SRPK2: variants seen among roughly 807,000 people sequenced by gnomAD.
The protein encoded by SRPK2 is SFRS protein kinase 2.
Under a neutral mutation model 90.8 loss-of-function variants are expected in SRPK2, and 21 were observed. The ratio of observed to expected loss-of-function variants is 0.23; its 90% CI spans 0.16 to 0.33. The LOEUF (loss-of-function observed/expected upper bound fraction) is 0.33, where lower values mean the gene tolerates loss of function less well. Ranked by LOEUF, SRPK2 falls within the 10% of genes least tolerant of loss-of-function variation. The pLI, the probability that SRPK2 is intolerant of heterozygous loss-of-function variation, is 1.00. For synonymous variants in SRPK2, 288 were observed against 311.1 expected (o/e 0.93, Z 0.78); for missense variants, 620 against 869.0 (o/e 0.71, Z 3.60).
In SRPK2 at chr7:105,117,931, CTG is replaced by C; in HGVS notation, c.2005_2006del (p.Gln669ValfsTer40). 6.2e-7 allele frequency: 1 copy of C among 1,614,186 alleles called. No homozygotes were observed. ...ACATCGGGATCAGGAAATCTGTAAA[CTG>C]TGCAGCATCTTCATGGGGCCAGCCA... ...KYGWPHEDAA[Q>X]FTDFLIPMLE... On this transcript the variant is annotated frameshift_variant, in exon 16 of 16. Transcript: ENST00000393651. LOFTEE classifies it high-confidence loss of function.
chr7:105,140,023 T>C lies in SRPK2; in HGVS notation c.1543+1985A>G, dbSNP rs554088201. Among the ~76,000 whole-genome samples, 13 of 152,260 alleles carry C rather than the reference T, an allele frequency of 8.5e-5. No homozygotes were observed. The South Asian group carries it at 2.5e-3, about 29-fold the overall frequency. On this transcript the variant is annotated intron_variant, in intron 11 of 15. Coordinates refer to ENST00000393651, the MANE Select transcript of SRPK2 (RefSeq NM_182692.3). ...CATATAACCTACATATATCTTCCTA[T>C]ACACTTTAGTTGATCTCTAGTTATT...
At position 105,292,315 on chromosome 7, in the gene SRPK2, C is replaced by G. The variant is rs144618865; in HGVS notation, c.72-88530G>C. On this transcript the variant is annotated intron_variant, in intron 2 of 15. Coordinates refer to ENST00000393651, the MANE Select transcript of SRPK2 (RefSeq NM_182692.3). The stretch of plus-strand genomic sequence containing the variant: ...CTGAGGTCAGGAGTTCGAGACCAGC[C>G]TGGCCAGCATGGCAAAACCCCATCT... Among the ~76,000 whole-genome samples, 774 of 152,034 alleles carry G rather than the reference C, an allele frequency of 5.1e-3. 12 individuals carry two copies. In the East Asian group the frequency reaches 0.055, roughly 11 times the overall value.
intron 2 of SRPK2, among the ~76,000 whole-genome samples, chr7:105,247,457 A>T (rs1801819385): frequency 6.6e-6 from 1 of 151,712 alleles, no homozygotes. Context: ...CTGATGATCA[A>T]AGTGCCAATA....
At chr7:105,322,061 G>C (rs1812997371) in intron 2 of SRPK2, among the ~76,000 whole-genome samples, 1 of 152,178 alleles carries the variant, frequency 6.6e-6, no homozygotes, top group South Asian at 2.1e-4. Flanking sequence ...ACCAACAAAT[G>C]AATGGATGAA....
intron 3 of SRPK2, among the ~76,000 whole-genome samples, chr7:105,187,815 G>GT (rs1221106143): frequency 1.3e-5 from 2 of 152,004 alleles, no homozygotes; most frequent in Admixed American, 6.6e-5. Context: ...TCAATCAAAG[G>GT]TTTTTTAAAA....
chr7:105,121,462 T>G (rs1215386854), intron 15 of SRPK2, among the ~76,000 whole-genome samples: 5 of 152,058 alleles, frequency 3.3e-5, no homozygotes. Context: ...CTGTGACAAT[T>G]TTAGTTTCTT....
chr7:105,360,686 T>C (rs4730080), intron 2 of SRPK2, among the ~76,000 whole-genome samples: 42,154 of 152,114 alleles, frequency 0.28, 6,327 homozygotes, highest in Middle Eastern at 0.34. Context: ...GAATGCTGAA[T>C]ACTGGCCCCC....
chr7:105,385,863 G>A (rs75958103), intron 2 of SRPK2, among the ~76,000 whole-genome samples: 3,178 of 152,284 alleles, frequency 0.021, 57 homozygotes, highest in Non-Finnish European at 0.031. Context: ...AGAGTGACTG[G>A]CACAGTGTTC....
intron 2 of SRPK2, among the ~76,000 whole-genome samples, chr7:105,259,211 G>A (rs1043769553): frequency 2.6e-5 from 4 of 152,148 alleles, no homozygotes; most frequent in Non-Finnish European, 4.4e-5. Context: ...AAATCAATGT[G>A]CAAAAATCAC....
At chr7:105,379,148 T>TAAAA (rs953287542) in intron 2 of SRPK2, among the ~76,000 whole-genome samples, 1 of 149,014 alleles carries the variant, frequency 6.7e-6, no homozygotes, top group East Asian at 2.0e-4. Flanking sequence ...ACCCAGTCTC[T>TAAAA]AAAAAAAAAT....
At chr7:105,312,218 G>T (rs909647606) in intron 2 of SRPK2, among the ~76,000 whole-genome samples, 12 of 152,136 alleles carry the variant, frequency 7.9e-5, no homozygotes, top group South Asian at 4.1e-4. Context: ...AAGGTGGGGG[G>T]ATCACAAGGT....
chr7:105,236,484 T>C (rs180925406), intron 2 of SRPK2, among the ~76,000 whole-genome samples: 1 of 152,228 alleles, frequency 6.6e-6, no homozygotes, highest in East Asian at 1.9e-4. Context: ...TTCACTAACA[T>C]ACAGTATTAT....
chr7:105,221,346 G>C (rs1366015740), intron 2 of SRPK2, among the ~76,000 whole-genome samples: 1 of 152,164 alleles, frequency 6.6e-6, no homozygotes, highest in Non-Finnish European at 1.5e-5. Context: ...AGCTCCATCA[G>C]TTATAAACCC....
chr7:105,181,880 G>GAAAAAAAAA (rs1792867776), intron 3 of SRPK2, among the ~76,000 whole-genome samples: 1 of 67,528 alleles, frequency 1.5e-5, no homozygotes, highest in African/African-American at 4.1e-5. Flanking sequence ...TAAGATAAAA[G>GAAAAAAAAA]TAAAAAAAAA....
chr7:105,138,777 C>T (rs1049915439), intron 11 of SRPK2, among the ~76,000 whole-genome samples: 30 of 152,046 alleles, frequency 2.0e-4, no homozygotes, highest in African/African-American at 6.3e-4. Flanking sequence ...CCAGCCTGGG[C>T]GATAGAGCAA....
intron 2 of SRPK2, among the ~76,000 whole-genome samples, chr7:105,261,422 G>A (rs1225355976): frequency 1.1e-4 from 17 of 152,034 alleles, no homozygotes; most frequent in Non-Finnish European, 2.2e-4. Flanking sequence ...TCAGGAGGCT[G>A]AGGCAGGAGA....
At chr7:105,203,517 AAGACC>A in intron 3 of SRPK2, 106 bp downstream of exon 3, 2 of 1,243,112 alleles carry the variant, frequency 1.6e-6, no homozygotes, top group Non-Finnish European at 2.1e-6. Context: ...TAATTTAATG[AAGACC>A]AAGCAATTTG....
At chr7:105,222,540 T>G (rs969591523) in intron 2 of SRPK2, among the ~76,000 whole-genome samples, 4 of 152,264 alleles carry the variant, frequency 2.6e-5, no homozygotes, top group African/African-American at 7.2e-5. Context: ...AAATCATTAG[T>G]AAGTTTGAAA....
intron 2 of SRPK2, among the ~76,000 whole-genome samples, chr7:105,373,341 G>T (rs17270450): frequency 2.0e-4 from 30 of 149,984 alleles, no homozygotes; most frequent in African/African-American, 7.4e-4. Flanking sequence ...TCCCTCAACC[G>T]GTTTATCCTT....
Sources: gnomAD v4.1 joint callset for allele counts (sites outside exome capture counted in the v4.1 genomes callset) on GRCh38, gnomAD v4.1.1 for gene constraint, MANE v1.5 for transcripts, NCBI Gene and HGNC (gene_info 2026-07-23, HGNC 2026-07-21) for gene names.